The following SSBP2 variants were observed in gnomAD, a reference collection of about 807,000 sequenced individuals.
The protein encoded by SSBP2 is single stranded DNA binding protein 2.
A neutral mutation model predicts 61.8 loss-of-function variants in SSBP2; 17 were observed. The ratio of observed to expected loss-of-function variants is 0.28; its 90% CI spans 0.19 to 0.41. SSBP2 has a LOEUF of 0.41. Among genes scored for constraint, SSBP2 ranks in the 10% least tolerant of loss-of-function variants. The pLI is 1.00. For missense variants in SSBP2, 310 were observed against 458.7 expected, an observed-to-expected ratio of 0.68 and a Z score of 2.96; for synonymous variants, 139 against 141.3, an observed-to-expected ratio of 0.98 and a Z score of 0.12.
rs190756802 is a variant in SSBP2 at position 81,739,867 on chromosome 5, T to G, written c.62+11114A>C. On this transcript the variant is annotated intron_variant, in intron 1 of 16. Coordinates refer to ENST00000320672, the MANE Select transcript of SSBP2 (RefSeq NM_012446.5). The stretch of plus-strand genomic sequence containing the variant: ...CTATATGATTCCATACAATTAACCC[T>G]TTAAGAGAGCCATTCTGCTATTCTG... 1.1e-4 allele frequency among the ~76,000 whole-genome samples: 17 copies of G among 152,310 alleles called. No individual in the cohort carries two copies. The East Asian group carries it at 3.3e-3, about 29-fold the overall frequency.
intron 1 of SSBP2, among the ~76,000 whole-genome samples, chr5:81,693,202 T>TAAAAA (rs34403567): frequency 5.2e-5 from 6 of 116,138 alleles, no homozygotes; most frequent in East Asian, 2.5e-4. Flanking sequence ...GACTTTGTCT[T>TAAAAA]AAAAAAAAAA....
At chr5:81,616,835 G>C (rs1746109847) in intron 3 of SSBP2, among the ~76,000 whole-genome samples, 1 of 152,148 alleles carries the variant, frequency 6.6e-6, no homozygotes, top group Non-Finnish European at 1.5e-5. Context: ...CCCCCCAGCA[G>C]GGGCAGACTG....
chr5:81,678,390 T>C (rs894951739), intron 1 of SSBP2, among the ~76,000 whole-genome samples: 1 of 151,230 alleles, frequency 6.6e-6, no homozygotes. Context: ...CTGCAAAAAA[T>C]AAATAAAAAG....
chr5:81,474,398 TAGG>T (rs1400155852), intron 7 of SSBP2, 95 bp downstream of exon 7: 52 of 1,018,050 alleles, frequency 5.1e-5, no homozygotes, highest in Non-Finnish European at 7.4e-5. Context: ...GGTATAACTA[TAGG>T]AGATTTACTT....
intron 4 of SSBP2, among the ~76,000 whole-genome samples, chr5:81,554,882 C>T (rs1278860339): frequency 1.3e-5 from 2 of 152,054 alleles, no homozygotes; most frequent in Non-Finnish European, 2.9e-5. Context: ...TCTGATTTCT[C>T]TTCTGTTTCA....
At chr5:81,542,817 T>TTCTCTCTCCCTCTCTCTC (rs1771385698) in intron 4 of SSBP2, among the ~76,000 whole-genome samples, 1 of 106,724 alleles carries the variant, frequency 9.4e-6, no homozygotes, top group African/African-American at 4.1e-5. Flanking sequence ...ATTTGACAGT[T>TTCTCTCTCCCTCTCTCTC]TCTCTCTCTC....
intron 4 of SSBP2, among the ~76,000 whole-genome samples, chr5:81,572,584 T>C (rs1172416111): frequency 6.6e-6 from 1 of 152,164 alleles, no homozygotes; most frequent in Non-Finnish European, 1.5e-5. Flanking sequence ...AGATGAGCCA[T>C]AGAGTTAATG....
At chr5:81,464,269 T>C (rs1234282954) in intron 9 of SSBP2, among the ~76,000 whole-genome samples, 4 of 152,178 alleles carry the variant, frequency 2.6e-5, no homozygotes, top group African/African-American at 9.6e-5. Context: ...CTTTGGAAAC[T>C]TATAAAAATG....
Position 81,428,566 on chromosome 5 carries a change from T to C in SSBP2, c.1056+19A>G, listed in dbSNP as rs200365873. ...TCAGAAATAAAATTTGAGTATAATA[T>C]AGTCAAGGGAATACTTACACTCTCA... On this transcript the variant is annotated intron_variant, in intron 16 of 16. Transcript: ENST00000320672. 1.4e-5 allele frequency: 22 copies of C among 1,580,534 alleles called. No individual in the cohort carries two copies. The highest frequency in any genetic ancestry group is 6.7e-5 in the African/African-American group (5 of 74,328).
intron 1 of SSBP2, among the ~76,000 whole-genome samples, chr5:81,663,430 G>T (rs1750858732): frequency 6.6e-6 from 1 of 152,010 alleles, no homozygotes; most frequent in Admixed American, 6.6e-5. Flanking sequence ...TCACAGAAAA[G>T]ATTTTTTAAC....
intron 4 of SSBP2, among the ~76,000 whole-genome samples, chr5:81,525,123 C>G (rs1379236215): frequency 6.6e-6 from 1 of 151,948 alleles, no homozygotes; most frequent in Non-Finnish European, 1.5e-5. Flanking sequence ...TTGCTAGATT[C>G]CCTGACTCGG....
At chr5:81,565,819 C>G (rs1773379777) in intron 4 of SSBP2, among the ~76,000 whole-genome samples, 1 of 152,148 alleles carries the variant, frequency 6.6e-6, no homozygotes, top group South Asian at 2.1e-4. Context: ...CAAGTTTGGT[C>G]TACTGAGCCT....
At chr5:81,539,475 A>T (rs1301120126) in intron 4 of SSBP2, among the ~76,000 whole-genome samples, 1 of 152,240 alleles carries the variant, frequency 6.6e-6, no homozygotes, top group Non-Finnish European at 1.5e-5. Flanking sequence ...AAGGTTTAAG[A>T]CTAAAACTGA....
At chr5:81,719,668 G>T (rs1170052289) in intron 1 of SSBP2, among the ~76,000 whole-genome samples, 1 of 152,168 alleles carries the variant, frequency 6.6e-6, no homozygotes, top group Non-Finnish European at 1.5e-5. Flanking sequence ...GCAGTTCTAG[G>T]AGGAGGAGGC....
intron 5 of SSBP2, among the ~76,000 whole-genome samples, chr5:81,492,079 G>A (rs2154056375): frequency 6.6e-6 from 1 of 152,324 alleles, no homozygotes; most frequent in South Asian, 2.1e-4. Flanking sequence ...AATTCAAAAT[G>A]TTAACCCCAA....
At chr5:81,730,453 G>A (rs1484078165) in intron 1 of SSBP2, among the ~76,000 whole-genome samples, 1 of 152,172 alleles carries the variant, frequency 6.6e-6, no homozygotes, top group Non-Finnish European at 1.5e-5. Context: ...TCGAGCTCCT[G>A]ACCTCAGGTG....
chr5:81,598,909 A>G (rs1242245438), intron 4 of SSBP2, among the ~76,000 whole-genome samples: 1 of 152,026 alleles, frequency 6.6e-6, no homozygotes, highest in Non-Finnish European at 1.5e-5. Flanking sequence ...TCTGGGCTAG[A>G]CCCCACTTTG....
intron 4 of SSBP2, among the ~76,000 whole-genome samples, chr5:81,542,603 C>T (rs368118217): frequency 2.9e-4 from 43 of 148,022 alleles, no homozygotes; most frequent in African/African-American, 1.1e-3. Flanking sequence ...CCATGGAATA[C>T]TATGCATCCA....
intron 10 of SSBP2, among the ~76,000 whole-genome samples, chr5:81,453,567 T>C (rs376002136): frequency 2.0e-5 from 3 of 151,802 alleles, no homozygotes; most frequent in East Asian, 3.9e-4. Context: ...CGCCATTCTC[T>C]TGCCTCAGCC....
Sources: allele counts gnomAD v4.1 joint callset (sites outside exome capture counted in the v4.1 genomes callset), GRCh38; gene constraint gnomAD v4.1.1; transcripts MANE v1.5; gene names NCBI Gene and HGNC (gene_info 2026-07-23, HGNC 2026-07-21).